The following RENBP variants were observed in gnomAD, a reference collection of about 807,000 sequenced individuals.
RENBP encodes the protein N-acylglucosamine 2-epimerase.
In RENBP, 16 loss-of-function variants were observed where a neutral mutation model predicts 37.8. That is an observed-to-expected ratio of 0.42 (90% CI 0.29 to 0.64). The LOEUF (loss-of-function observed/expected upper bound fraction) is 0.64, where lower values mean the gene tolerates loss of function less well. RENBP is among the 30% of genes least tolerant of loss of function. RENBP has a pLI of 0.19. For missense variants in RENBP, 347 were observed against 379.5 expected (o/e 0.91, Z 0.71); for synonymous variants, 170 against 154.8 (o/e 1.10, Z -0.73).
rs2065234833 is a variant in RENBP, at chrX:153,943,078, G to A, written c.464C>T (p.Thr155Met). The A allele has an allele frequency of 1.0e-5, 12 of 1,145,951 alleles. No homozygotes were observed. Among genetic ancestry groups the A allele is most frequent in the East Asian group, 3.1e-5 (1 of 32,337 alleles). 94.4% of individuals were successfully genotyped at this position (1,145,951 alleles called of 1,213,427 possible). Residue 155 changes from threonine to methionine, a missense_variant and splice_region_variant, in exon 6 of 11, where the codon ACG becomes ATG. This residue lies in a region of RENBP where 244 missense variants were observed against 279.4 expected (regional missense o/e 0.87). Coordinates refer to ENST00000393700, the MANE Select transcript of RENBP (RefSeq NM_002910.6). ...CTGATCCATCATCTCCACCGCTTCC[G>A]TCTGGGGGTGCAGGAGGCAAGGGGA... ...WRATGEVRYQ[T>M]EAVEMMDQIV...
rs1412846764 is a variant in RENBP, at chrX:153,935,311, G to A, written c.1259C>T (p.Thr420Ile). 2.1e-6 allele frequency: 2 copies of A among 932,368 alleles called. No homozygotes were observed. The highest frequency in any genetic ancestry group is 7.6e-5 in the East Asian group (2 of 26,180). 76.8% of individuals were successfully genotyped at this position (932,368 alleles called of 1,213,427 possible). The change falls in exon 11 of 11, where the codon ACC (threonine) becomes ATC (isoleucine). Residue 420 changes from threonine (T) to isoleucine (I), a missense_variant. Transcript: ENST00000393700. Reference protein sequence around the residue: ...RPAPAPSPAPTPACRGAE With the variant: ...RPAPAPSPAPIPACRGAE ...TTATTCCGCGCCTCGGCAGGCGGGG[G>A]TGGGGGCGGGGGAGGGGGCGGGGGC...
In RENBP at chrX:153,940,113, T is replaced by C. The variant is rs1557109288; in HGVS notation, c.1066A>G (p.Thr356Ala). ...LRLFYQVAEY[T>A]FRQFRDPEYG... ...GAGGCAGCTCTCACCTGGCGGAAGG[T>C]GTACTCAGCCACTTGGTAGAAGAGG... is the stretch of plus-strand genomic sequence containing the variant. Residue 356 changes from threonine to alanine, a missense_variant, in exon 9 of 11, where the codon ACC (threonine) becomes GCC (alanine). Thr to Ala is a moderately conservative substitution (Grantham distance 58). Transcript: ENST00000393700. 3 of 1,210,640 alleles carry C rather than the reference T, an allele frequency of 2.5e-6. No individual in the cohort carries two copies. Among genetic ancestry groups the C allele is most frequent in the Non-Finnish European group, 3.4e-6 (3 of 895,158 alleles).
Position 153,941,602 on chromosome X carries a change from C to T in RENBP, c.821G>A (p.Gly274Asp). Residue 274 changes from glycine (G) to aspartate (D), a missense_variant, in exon 8 of 11, where the codon GGC becomes GAC. Gly to Asp is a moderately conservative substitution (Grantham distance 94). Transcript: ENST00000393700. ...WFLLRHCIRK[G>D]DPELRAHVID... Reference sequence around the variant, plus strand: ...CACGTGGGCTCGAAGTTCGGGGTCGCCTTTCCGAATGCAATGACGGAGCAG... The same window carrying T: ...CACGTGGGCTCGAAGTTCGGGGTCGTCTTTCCGAATGCAATGACGGAGCAG... 1 of 1,206,618 alleles carries T rather than the reference C, an allele frequency of 8.3e-7. No individual in the cohort carries two copies. Among genetic ancestry groups the T allele is most frequent in the South Asian group, 1.8e-5 (1 of 56,763 alleles).
Position 153,943,983 on chromosome X carries a change from G to A in RENBP, c.214-13C>T. 3 of 1,206,441 alleles carry A rather than the reference G, an allele frequency of 2.5e-6. No homozygotes were observed. Among genetic ancestry groups the A allele is most frequent in the Non-Finnish European group, 3.4e-6 (3 of 892,454 alleles). ...AATACATCCATACCTGCGGGGTACG[G>A]GAGGGAAAGTGGCTTAAGTGGCCGG... On this transcript the variant is annotated splice_polypyrimidine_tract_variant and intron_variant, in intron 3 of 10. Coordinates refer to ENST00000393700, the MANE Select transcript of RENBP (RefSeq NM_002910.6).
chrX:153,937,620 A>T (rs370522387), intron 9 of RENBP, among the ~76,000 whole-genome samples: 63 of 104,209 alleles, frequency 6.0e-4, no homozygotes, highest in Admixed American at 1.8e-3. Flanking sequence ...TTATTTATTT[A>T]TTTTTTTTAT....
intron 9 of RENBP, among the ~76,000 whole-genome samples, chrX:153,939,665 C>CGTCCCTT (rs1382132837): frequency 9.0e-6 from 1 of 111,479 alleles, no homozygotes; most frequent in Non-Finnish European, 1.9e-5. Context: ...AGCTGGAGTC[C>CGTCCCTT]GTCCCTTGCC....
chrX:153,938,144 C>A (rs964606282), intron 9 of RENBP, among the ~76,000 whole-genome samples: 1 of 112,674 alleles, frequency 8.9e-6, no homozygotes, highest in Non-Finnish European at 1.9e-5. Flanking sequence ...AACACACACT[C>A]TATGAATGCA....
In RENBP at chrX:153,935,540, G is replaced by A; in HGVS notation, c.1114C>T (p.Leu372=). Residue 372 remains leucine (L), a synonymous_variant, in exon 10 of 11, where the codon CTG becomes TTG. Transcript: ENST00000393700. ...AGGGCCACCTTGCCCTCTCGGCTCA[G>A]GTAGCCAAACCATTCCCCGTACTCG... ...DPEYGEWFGY[L]SREGKVALSI... The A allele has an allele frequency of 8.3e-7, 1 of 1,210,734 alleles. No individual in the cohort carries two copies. The highest frequency in any genetic ancestry group is 1.1e-6 in the Non-Finnish European group (1 of 894,923).
chrX:153,937,791 C>T (rs1226462820), intron 9 of RENBP, among the ~76,000 whole-genome samples: 1 of 111,160 alleles, frequency 9.0e-6, no homozygotes, highest in African/African-American at 3.3e-5. Flanking sequence ...ATGGGGGTTT[C>T]ACCATGTCAG....
intron 6 of RENBP, 176 bp from the exon 7 acceptor site, chrX:153,942,207 T>G: frequency 3.5e-6 from 1 of 289,762 alleles, no homozygotes; most frequent in Non-Finnish European, 6.0e-6. Flanking sequence ...GCTGATTCAC[T>G]CCCTTGGGCC....
Position 153,941,950 on chromosome X carries a change from C to CCCCCCCGGG in RENBP, c.768_769insCCCGGGGGG (p.Pro256_Gly257insProGlyGly). On this transcript the variant is annotated inframe_insertion and splice_region_variant, in exon 7 of 11. Transcript: ENST00000393700. ...GCCCCCAGCCCACCCCGCCCCTCACCTGGGTTCTGCTGTCTCCCCAGGCAG... is the reference window on the plus strand; with the variant it reads ...GCCCCCAGCCCACCCCGCCCCTCACCCCCCCCGGGTGGGTTCTGCTGTCTCCCCAGGCAG... 1 of 1,130,631 alleles carries CCCCCCCGGG rather than the reference C, an allele frequency of 8.8e-7. No individual in the cohort carries two copies. Among genetic ancestry groups the CCCCCCCGGG allele is most frequent in the Non-Finnish European group, 1.2e-6 (1 of 823,201 alleles). The allele number at this position is 1,130,631 out of a possible 1,213,427, so 93.2% of individuals were successfully genotyped here.
intron 5 of RENBP, 74 bp from the exon 6 acceptor site, chrX:153,943,153 G>C: frequency 1.2e-6 from 1 of 801,485 alleles, no homozygotes; most frequent in East Asian, 3.5e-5. Context: ...CACGGCCCTG[G>C]GGTGGGAGAG....
At chrX:153,938,272 T>C (rs2065211468) in intron 9 of RENBP, among the ~76,000 whole-genome samples, 2 of 112,231 alleles carry the variant, frequency 1.8e-5, no homozygotes, top group Non-Finnish European at 3.8e-5. Flanking sequence ...CACATCTGGA[T>C]TTCTATCGGT....
At chrX:153,939,976 T>C in intron 9 of RENBP, 126 bp downstream of exon 9, 2 of 880,901 alleles carry the variant, frequency 2.3e-6, no homozygotes, top group Non-Finnish European at 3.2e-6. Context: ...CGAACAGCAC[T>C]GGGGCTCCGG....
chrX:153,938,454 A>G (rs1047125683), intron 9 of RENBP, among the ~76,000 whole-genome samples: 23 of 112,566 alleles, frequency 2.0e-4, no homozygotes, highest in African/African-American at 6.8e-4. Flanking sequence ...TCGCAGTACC[A>G]GGGTTCACCA....
chrX:153,939,772 G>T (rs893473356), intron 9 of RENBP, among the ~76,000 whole-genome samples: 2 of 108,450 alleles, frequency 1.8e-5, no homozygotes, highest in Admixed American at 2.0e-4. Flanking sequence ...ACCCCTGATT[G>T]ACTCGGCCCC....
At chrX:153,941,894 A>G in intron 7 of RENBP, 56 bp downstream of exon 7, 1 of 1,042,941 alleles carries the variant, frequency 9.6e-7, no homozygotes, top group Non-Finnish European at 1.3e-6. Context: ...AGCCCAGAAC[A>G]CAAGGCTCAG....
At position 153,941,931 on chromosome X, in the gene RENBP, A is replaced by G. The variant is rs1186991963; in HGVS notation, c.769+19T>C. The stretch of plus-strand genomic sequence containing the variant: ...GCTCCCCTCCTCCTGGGTGGCCCCC[A>G]GCCCACCCCGCCCCTCACCTGGGTT... On this transcript the variant is annotated intron_variant, in intron 7 of 10. Transcript: ENST00000393700. 5.8e-5 allele frequency: 18 copies of G among 308,818 alleles called. No individual in the cohort carries two copies. The highest frequency in any genetic ancestry group is 9.4e-5 in the African/African-American group (2 of 21,360). 25.5% of individuals were successfully genotyped at this position (308,818 alleles called of 1,213,427 possible). A position where few individuals can be genotyped will look rare whatever the true frequency, so the allele number is the denominator to read the frequency against.
In RENBP at chrX:153,935,584, A is replaced by T; in HGVS notation, c.1078-8T>A. On this transcript the variant is annotated splice_polypyrimidine_tract_variant and splice_region_variant and intron_variant, in intron 9 of 10. Transcript: ENST00000393700. ...GTACTCGGGATCGCGAAACTGGAAT[A>T]ACAGAGACAGTGACAGCTAGCGCCT... The T allele has an allele frequency of 8.3e-7, 1 of 1,199,178 alleles. No individual in the cohort carries two copies. The highest frequency in any genetic ancestry group is 2.4e-4 in the Middle Eastern group (1 of 4,139).
Sources: allele counts gnomAD v4.1 joint callset (sites outside exome capture counted in the v4.1 genomes callset), GRCh38; gene constraint gnomAD v4.1.1; regional missense constraint gnomAD v4.1.1; transcripts MANE v1.5; gene names NCBI Gene and HGNC (gene_info 2026-07-23, HGNC 2026-07-21).